Variants in CHMP4C observed in about 807,000 individuals in gnomAD.
CHMP4C encodes the protein SNF7 homolog associated with Alix 3.
In CHMP4C, 28 loss-of-function variants were observed where a neutral mutation model predicts 29.0. The observed-to-expected ratio is 0.97, with a 90% CI of 0.72 to 1.32. CHMP4C has a LOEUF of 1.32. CHMP4C is among the 40% of genes most tolerant of loss of function. CHMP4C has a pLI of 0.00. For synonymous variants in CHMP4C, 106 were observed against 102.4 expected (o/e 1.04, Z -0.21); for missense variants, 291 against 281.0 (o/e 1.04, Z -0.25).
At chr8:81,738,996 C>T (rs924416153) in intron 1 of CHMP4C, among the ~76,000 whole-genome samples, 1 of 152,052 alleles carries the variant, frequency 6.6e-6, no homozygotes, top group Non-Finnish European at 1.5e-5. Flanking sequence ...TATTTTCTTC[C>T]TCACCCATTC....
At position 81,756,293 on chromosome 8, in the gene CHMP4C, GT is replaced by G. The variant is rs553924043; in HGVS notation, c.483+812del. 1.2e-4 allele frequency among the ~76,000 whole-genome samples: 19 copies of G among 152,246 alleles called. No individual in the cohort carries two copies. The South Asian group carries it at 3.9e-3, about 32-fold the overall frequency. On this transcript the variant is annotated intron_variant, in intron 3 of 4. Coordinates refer to ENST00000297265, the MANE Select transcript of CHMP4C (RefSeq NM_152284.4). ...TGTATATCCCAAAAGCTCAGGATGGGTTTCACAATTTTAATGTTGTAGAAAA... is the reference window on the plus strand; with the variant it reads ...TGTATATCCCAAAAGCTCAGGATGGGTTCACAATTTTAATGTTGTAGAAAA...
chr8:81,753,113 T>A lies in CHMP4C; in HGVS notation c.240T>A (p.Thr80=), dbSNP rs768556879. Residue 80 remains threonine (T), a synonymous_variant, in exon 2 of 5, where the codon ACT becomes ACA. Transcript: ENST00000297265. ...KRKKRFEKQL[T]QIDGTLSTIE... ...AGAAGAGGTTCGAGAAACAGCTCAC[T>A]CAGATTGATGGCACACTTTCTACCA... is the stretch of plus-strand genomic sequence containing the variant. 1 of 1,612,754 alleles carries A rather than the reference T, an allele frequency of 6.2e-7. No homozygotes were observed. Among genetic ancestry groups the A allele is most frequent in the Non-Finnish European group, 8.5e-7 (1 of 1,179,198 alleles).
intron 1 of CHMP4C, among the ~76,000 whole-genome samples, chr8:81,745,344 C>T (rs1439711237): frequency 6.6e-6 from 1 of 152,166 alleles, no homozygotes; most frequent in Non-Finnish European, 1.5e-5. Flanking sequence ...AATGCAGTTT[C>T]ACCTTTCAAA....
intron 1 of CHMP4C, 94 bp from the exon 2 acceptor site, chr8:81,752,970 C>T: frequency 9.8e-7 from 1 of 1,018,650 alleles, no homozygotes; most frequent in Non-Finnish European, 1.4e-6. Flanking sequence ...CCTTAGTTAT[C>T]AGAAGGTCTA....
chr8:81,755,276 A>G (rs1808957309), intron 2 of CHMP4C, 94 bp from the exon 3 acceptor site: 2 of 537,320 alleles, frequency 3.7e-6, no homozygotes, highest in Admixed American at 3.4e-5. Flanking sequence ...CTAAGAATTT[A>G]TATTAAATGA....
rs1445982576 is a variant in CHMP4C, at chr8:81,753,216, G to A, written c.343G>A (p.Ala115Thr). The change falls in exon 2 of 5, where the codon GCG becomes ACG. Residue 115 changes from alanine (A) to threonine (T), a missense_variant. By Grantham distance (58) the Ala-to-Thr change is moderately conservative. Transcript: ENST00000297265. ...VLRNMGFAAK[A>T]MKSVHENMDL... ...GAGGAACATGGGCTTTGCAGCAAAA[G>A]CGATGAAATCTGTTCATGAAAACAT... 1.2e-6 allele frequency: 2 copies of A among 1,606,192 alleles called. No individual in the cohort carries two copies. Among genetic ancestry groups the A allele is most frequent in the Non-Finnish European group, 8.5e-7 (1 of 1,176,522 alleles).
At chr8:81,746,731 T>G (rs1808828817) in intron 1 of CHMP4C, among the ~76,000 whole-genome samples, 1 of 152,218 alleles carries the variant, frequency 6.6e-6, no homozygotes, top group Non-Finnish European at 1.5e-5. Context: ...ATTTCCCAAA[T>G]ATTTTGAAAA....
intron 1 of CHMP4C, among the ~76,000 whole-genome samples, chr8:81,747,243 T>G (rs1261355716): frequency 6.6e-6 from 1 of 152,170 alleles, no homozygotes; most frequent in Non-Finnish European, 1.5e-5. Context: ...GCTCCACCCT[T>G]TATACCAAAT....
At chr8:81,750,753 T>C (rs1157953418) in intron 1 of CHMP4C, among the ~76,000 whole-genome samples, 1 of 152,008 alleles carries the variant, frequency 6.6e-6, no homozygotes, top group Non-Finnish European at 1.5e-5. Context: ...CAGAAGATAG[T>C]AGACAGAAAT....
chr8:81,741,547 T>C (rs1808762175), intron 1 of CHMP4C, among the ~76,000 whole-genome samples: 1 of 151,952 alleles, frequency 6.6e-6, no homozygotes, highest in Admixed American at 6.6e-5. Context: ...CAGTGATAAA[T>C]AAGACAAGGG....
intron 1 of CHMP4C, among the ~76,000 whole-genome samples, chr8:81,747,791 C>A (rs1387602569): frequency 6.6e-6 from 1 of 152,000 alleles, no homozygotes; most frequent in Admixed American, 6.5e-5. Context: ...TATCACAAGG[C>A]CAGTGGAGGC....
intron 1 of CHMP4C, among the ~76,000 whole-genome samples, chr8:81,737,065 G>A (rs1808701023): frequency 6.6e-6 from 1 of 152,214 alleles, no homozygotes; most frequent in Admixed American, 6.5e-5. Context: ...AAAAACTTTA[G>A]GAGGCCAGAG....
At chr8:81,756,370 A>G (rs1320336956) in intron 3 of CHMP4C, among the ~76,000 whole-genome samples, 1 of 152,208 alleles carries the variant, frequency 6.6e-6, no homozygotes, top group Non-Finnish European at 1.5e-5. Context: ...CAGCCTGCAA[A>G]TCCTGCAATA....
intron 4 of CHMP4C, 82 bp downstream of exon 4, chr8:81,758,377 T>C: frequency 1.9e-6 from 3 of 1,578,968 alleles, no homozygotes; most frequent in East Asian, 2.2e-5. Context: ...CACATGTTTT[T>C]GATTTCAAAC....
At chr8:81,755,029 T>C (rs919683316) in intron 2 of CHMP4C, among the ~76,000 whole-genome samples, 1 of 152,128 alleles carries the variant, frequency 6.6e-6, no homozygotes, top group Non-Finnish European at 1.5e-5. Flanking sequence ...TGGTAGTGTT[T>C]CCTGCAGAGT....
intron 1 of CHMP4C, among the ~76,000 whole-genome samples, chr8:81,739,418 T>TGGGGGGG (rs66536613): frequency 1.7e-4 from 16 of 93,578 alleles, no homozygotes; most frequent in African/African-American, 6.1e-4. Context: ...TGGGGGATTG[T>TGGGGGGG]GGGGGGGGGT....
chr8:81,751,145 A>G (rs1046664825), intron 1 of CHMP4C, among the ~76,000 whole-genome samples: 19 of 152,194 alleles, frequency 1.2e-4, no homozygotes, highest in African/African-American at 4.6e-4. Context: ...AGGCATTCAA[A>G]TAATTTATAT....
chr8:81,738,565 A>G (rs1387480028), intron 1 of CHMP4C, among the ~76,000 whole-genome samples: 2 of 152,184 alleles, frequency 1.3e-5, no homozygotes, highest in East Asian at 1.9e-4. Flanking sequence ...TTTTTATCAT[A>G]GTTGTCATAG....
chr8:81,755,369 G>A lies in CHMP4C; in HGVS notation c.369-1G>A. ...ATGTTCAACAAAATATGATTTCCCAGGGATCTGAACAAAATAGATGATTTG... is the reference window on the plus strand; with the variant it reads ...ATGTTCAACAAAATATGATTTCCCAAGGATCTGAACAAAATAGATGATTTG... On this transcript the variant is annotated splice_acceptor_variant, in intron 2 of 4. Coordinates refer to ENST00000297265, the MANE Select transcript of CHMP4C (RefSeq NM_152284.4). LOFTEE classifies it high-confidence loss of function. 6.5e-7 allele frequency: 1 copy of A among 1,548,768 alleles called. No individual in the cohort carries two copies. Among genetic ancestry groups the A allele is most frequent in the East Asian group, 2.3e-5 (1 of 43,996 alleles).
Sources: gnomAD v4.1 joint callset for allele counts (sites outside exome capture counted in the v4.1 genomes callset) on GRCh38, gnomAD v4.1.1 for gene constraint, MANE v1.5 for transcripts, NCBI Gene and HGNC (gene_info 2026-07-23, HGNC 2026-07-21) for gene names.